ACAP3: variants seen among roughly 807,000 people sequenced by gnomAD.
ACAP3 encodes arf-GAP with coiled-coil, ANK repeat and PH domain-containing protein 3.
ACAP3 carries 56 observed loss-of-function variants against 104.1 expected under a neutral mutation model. The observed-to-expected ratio is 0.54, with a 90% CI of 0.43 to 0.67. The LOEUF is 0.67. Ranked by LOEUF, ACAP3 falls within the 30% of genes least tolerant of loss-of-function variation. The pLI is 0.00. For missense variants in ACAP3, 1,208 were observed against 1,174.9 expected, an observed-to-expected ratio of 1.03 and a Z score of -0.41; for synonymous variants, 628 against 496.2, an observed-to-expected ratio of 1.27 and a Z score of -3.53.
At chr1:1,302,789 T>TG in intron 4 of ACAP3, 133 bp downstream of exon 4, 1 of 252,020 alleles carries the variant, frequency 4.0e-6, no homozygotes, top group Non-Finnish European at 8.1e-6. Context: ...CTTGAAAATG[T>TG]GGGATTCCCC....
At position 1,303,978 on chromosome 1, in the gene ACAP3, T is replaced by A; in HGVS notation, c.105+108A>T. On this transcript the variant is annotated intron_variant, in intron 2 of 23. Coordinates refer to ENST00000354700, the MANE Select transcript of ACAP3 (RefSeq NM_030649.3). This position sits in a 1 kb window ranked among gnomAD's most constrained non-coding sequence, Gnocchi z 4.0. ...AGGACCTGGAGCACCACACGCATGC[T>A]CCACATATGGGGGGTGTAAGTGGCT... 7.4e-7 allele frequency: 1 copy of A among 1,347,392 alleles called. No homozygotes were observed. Among genetic ancestry groups the A allele is most frequent in the South Asian group, 1.3e-5 (1 of 77,762 alleles). The allele number at this position is 1,347,392 out of a possible 1,614,324, so 83.5% of individuals were successfully genotyped here. A position where few individuals can be genotyped will look rare whatever the true frequency, so the allele number is the denominator to read the frequency against.
chr1:1,296,696 C>T (rs1641176358), intron 14 of ACAP3, 63 bp from the exon 15 acceptor site: 1 of 1,485,310 alleles, frequency 6.7e-7, no homozygotes, highest in Non-Finnish European at 9.0e-7. Context: ...CCCAGCAGGC[C>T]CCCTCCTCCC....
chr1:1,304,289 G>T, intron 1 of ACAP3, 146 bp from the exon 2 acceptor site: 1 of 957,212 alleles, frequency 1.0e-6, no homozygotes, highest in Non-Finnish European at 1.6e-6. Flanking sequence ...CCTGCTACGG[G>T]GGCAGGACTG....
In ACAP3 at chr1:1,296,571, C is replaced by G. The variant is rs998200889; in HGVS notation, c.1191G>C (p.Glu397Asp). Residue 397 changes from glutamate (E) to aspartate (D), a missense_variant, in exon 15 of 24, where the codon GAG (glutamate) becomes GAC (aspartate). Transcript: ENST00000354700. ...SSIDSATDTR[E>D]RGVKGESVLQ... ...GCACACTCTCGCCCTTCACGCCACG[C>G]TCCCGAGTGTCGGTGGCGGAGTCGA... 1 of 1,539,788 alleles carries G rather than the reference C, an allele frequency of 6.5e-7. No homozygotes were observed. Among genetic ancestry groups the G allele is most frequent in the Non-Finnish European group, 8.7e-7 (1 of 1,146,678 alleles).
At position 1,303,172 on chromosome 1, in the gene ACAP3, G is replaced by A. The variant is rs865882169; in HGVS notation, c.215C>T (p.Thr72Ile). 11 of 1,602,290 alleles carry A rather than the reference G, an allele frequency of 6.9e-6. No homozygotes were observed. In the African/African-American group the frequency reaches 1.5e-4, roughly 21 times the overall value. ...RDLSQQCQGDTVISECLQRFA... is the reference protein window; with the variant it reads ...RDLSQQCQGDIVISECLQRFA... ...CAGTCGGCCCCTCACCGAGATGACG[G>A]TGTCGCCCTGGCACTGCTGGGACAG... is the stretch of plus-strand genomic sequence containing the variant. The change falls in exon 3 of 24, where the codon ACC becomes ATC. Residue 72 changes from threonine to isoleucine, a missense_variant. Coordinates refer to ENST00000354700, the MANE Select transcript of ACAP3 (RefSeq NM_030649.3). The surrounding 1 kb of genome is among the most constrained non-coding windows in gnomAD (Gnocchi z 4.0).
chr1:1,294,522 G>T lies in ACAP3; in HGVS notation c.2019C>A (p.His673Gln). 4.7e-6 allele frequency: 7 copies of T among 1,502,798 alleles called. No individual in the cohort carries two copies. The highest frequency in any genetic ancestry group is 6.2e-6 in the Non-Finnish European group (7 of 1,135,670). The allele number at this position is 1,502,798 out of a possible 1,614,324, so 93.1% of individuals were successfully genotyped here. The stretch of plus-strand genomic sequence containing the variant: ...GAAGGTCGCGGGCACGCGCTGCGCG[G>T]TGCGCCAAGAGCCCCGGGTGCAGCT... ...VRELHPGLLA[H>Q]RAARARDLPA... Residue 673 changes from histidine (H) to glutamine (Q), a missense_variant, in exon 21 of 24, where the codon CAC becomes CAA. Coordinates refer to ENST00000354700, the MANE Select transcript of ACAP3 (RefSeq NM_030649.3).
chr1:1,292,432 G>A lies in ACAP3; in HGVS notation c.*1132C>T, dbSNP rs1640872653. ...ATTCAAAGCGAGGGGTGGGGGGTGA[G>A]ACCCGCCAGCAGGGGCCTGGGGCAA... On this transcript the variant is annotated 3_prime_UTR_variant, in exon 24 of 24. Transcript: ENST00000354700. 6.6e-6 allele frequency: 1 copy of A among 152,340 alleles called. No homozygotes were observed. The highest frequency in any genetic ancestry group is 1.5e-5 in the Non-Finnish European group (1 of 68,136). 9.4% of individuals were successfully genotyped at this position (152,340 alleles called of 1,614,324 possible).
chr1:1,307,714 A>C, intron 1 of ACAP3, 55 bp downstream of exon 1: 1 of 1,078,538 alleles, frequency 9.3e-7, no homozygotes, highest in Non-Finnish European at 1.1e-6. Context: ...CCGGGCACAA[A>C]GGCGACAGCG....
intron 1 of ACAP3, chr1:1,307,077 G>T (rs1280292370): frequency 1.1e-6 from 1 of 873,084 alleles, no homozygotes; most frequent in Non-Finnish European, 1.6e-6. Flanking sequence ...CGCACTTGGG[G>T]ATGCAGAGAG....
chr1:1,307,676 GC>G, intron 1 of ACAP3, 92 bp downstream of exon 1: 1 of 1,017,336 alleles, frequency 9.8e-7, no homozygotes, highest in Non-Finnish European at 1.2e-6. Context: ...CCGCGGCCCG[GC>G]CCGGCGCTGA....
rs1640887877 is a variant in ACAP3, at chr1:1,292,690, G to A, written c.*874C>T. 1.3e-5 allele frequency: 2 copies of A among 152,338 alleles called. No individual in the cohort carries two copies. Among genetic ancestry groups the A allele is most frequent in the South Asian group, 4.1e-4 (2 of 4,840 alleles). 9.4% of individuals were successfully genotyped at this position (152,338 alleles called of 1,614,324 possible). A position where few individuals can be genotyped will look rare whatever the true frequency, so the allele number is the denominator to read the frequency against. ...CACCTTTGGGGAAGGGGTGCGTGAA[G>A]GCATTGGCAGGCCCTGCAATATGAG... On this transcript the variant is annotated 3_prime_UTR_variant, in exon 24 of 24. Transcript: ENST00000354700.
chr1:1,295,527 C>T lies in ACAP3; in HGVS notation c.1733G>A (p.Arg578Gln), dbSNP rs1387744478. 3.1e-6 allele frequency: 5 copies of T among 1,612,562 alleles called. No individual in the cohort carries two copies. The highest frequency in any genetic ancestry group is 4.2e-6 in the Non-Finnish European group (5 of 1,179,916). ...SVGTLDRKFR[R>Q]DSLFCPDELD... ...CTCGTCGGGACAGAAGAGGGAGTCT[C>T]GGCGGAACTTACGATCCAGGGTGCC... The change falls in exon 19 of 24, where the codon CGA (arginine) becomes CAA (glutamine). Residue 578 changes from arginine to glutamine, a missense_variant. Arg to Gln is a conservative substitution (Grantham distance 43, BLOSUM62 1). Coordinates refer to ENST00000354700, the MANE Select transcript of ACAP3 (RefSeq NM_030649.3).
At position 1,298,476 on chromosome 1, in the gene ACAP3, T is replaced by C; in HGVS notation, c.864-55A>G. Reference sequence around the variant, plus strand: ...GGCGGGGCCCATCCCAGGGCTGCTGTGACCCCTGCCCCCACCTGAGGACCC... The same window carrying C: ...GGCGGGGCCCATCCCAGGGCTGCTGCGACCCCTGCCCCCACCTGAGGACCC... On this transcript the variant is annotated intron_variant, in intron 11 of 23. Coordinates refer to ENST00000354700, the MANE Select transcript of ACAP3 (RefSeq NM_030649.3). 2.5e-6 allele frequency: 4 copies of C among 1,588,966 alleles called. No homozygotes were observed. In the South Asian group the frequency reaches 4.6e-5, roughly 18 times the overall value.
intron 1 of ACAP3, chr1:1,305,210 A>G (rs958955961): frequency 1.4e-4 from 21 of 152,244 alleles, no homozygotes; most frequent in African/African-American, 5.1e-4. Flanking sequence ...GAAGGACACT[A>G]GGTCCTCTCT....
intron 1 of ACAP3, chr1:1,304,583 T>C (rs753425229): frequency 4.5e-5 from 9 of 199,762 alleles, no homozygotes; most frequent in South Asian, 8.3e-5. Flanking sequence ...ACCCATGCAC[T>C]GTGGGACAGG....
Position 1,300,627 on chromosome 1 carries a change from G to T in ACAP3, c.404C>A (p.Ser135Tyr). Reference protein sequence around the residue: ...FDKVREDLELSLVRNAQAPRH... With the variant: ...FDKVREDLELYLVRNAQAPRH... The stretch of plus-strand genomic sequence containing the variant: ...CGGGGCCTGGGCGTTCCTCACCAGG[G>T]ACAGCTCCAGGTCCTCCCGCACCTT... Residue 135 changes from serine (S) to tyrosine (Y), a missense_variant, in exon 6 of 24, where the codon TCC becomes TAC. Coordinates refer to ENST00000354700, the MANE Select transcript of ACAP3 (RefSeq NM_030649.3). 6.2e-7 allele frequency: 1 copy of T among 1,609,460 alleles called. No homozygotes were observed. Among genetic ancestry groups the T allele is most frequent in the Non-Finnish European group, 8.5e-7 (1 of 1,179,072 alleles).
At position 1,297,118 on chromosome 1, in the gene ACAP3, G is replaced by A. The variant is rs115674657; in HGVS notation, c.1129-485C>T. Among the ~76,000 whole-genome samples, 361 of 151,844 alleles carry A rather than the reference G, an allele frequency of 2.4e-3. 1 individual carries two copies. Among genetic ancestry groups the A allele is most frequent in the African/African-American group, 8.0e-3 (332 of 41,328 alleles). On this transcript the variant is annotated intron_variant, in intron 14 of 23. Coordinates refer to ENST00000354700, the MANE Select transcript of ACAP3 (RefSeq NM_030649.3). ...CCAGTGGCACGTAGGTGTGTGCACC[G>A]GCACGGGGCAGGGGCCATCCCCAGT...
chr1:1,299,785 G>T, intron 9 of ACAP3, 46 bp downstream of exon 9: 1 of 1,521,886 alleles, frequency 6.6e-7, no homozygotes, highest in Admixed American at 2.1e-5. Flanking sequence ...GGACGCAGGG[G>T]CCTCCCAGGC....
At chr1:1,295,349 G>C in intron 19 of ACAP3, 98 bp downstream of exon 19, 1 of 1,164,688 alleles carries the variant, frequency 8.6e-7, no homozygotes, top group Non-Finnish European at 1.2e-6. Context: ...TTCAGATGCT[G>C]CTCCATTCCC....
Sources: gnomAD v4.1 joint callset for allele counts (sites outside exome capture counted in the v4.1 genomes callset) on GRCh38, gnomAD v4.1.1 for gene constraint, Gnocchi (gnomAD v3.1) non-coding constraint, MANE v1.5 for transcripts, NCBI Gene and HGNC (gene_info 2026-07-23, HGNC 2026-07-21) for gene names.